The following UTY variants were observed in gnomAD, a reference collection of about 807,000 sequenced individuals.
UTY encodes the protein ubiquitously transcribed tetratricopeptide repeat containing, Y-linked, also known as histone demethylase UTY.
UTY carries 12 observed loss-of-function variants against 32.5 expected under a neutral mutation model. That is an observed-to-expected ratio of 0.37 (90% confidence interval 0.24 to 0.60). UTY has a LOEUF of 0.60. Among genes scored for constraint, UTY ranks in the 20% least tolerant of loss-of-function variants. The pLI is 0.69. For synonymous variants in UTY, 131 were observed against 103.4 expected, an observed-to-expected ratio of 1.27 and a Z score of -1.62; for missense variants, 303 against 299.2, an observed-to-expected ratio of 1.01 and a Z score of -0.09.
chrY:13,356,055 CT>C, intron 15 of UTY, 37 bp from the exon 16 acceptor site: 2 of 326,043 alleles, frequency 6.1e-6, no homozygotes, highest in East Asian at 2.1e-4. Flanking sequence ...AAAGTTTAAT[CT>C]AAAATTTAAG....
At chrY:13,442,177 C>G in intron 4 of UTY, among the ~76,000 whole-genome samples, 1 of 34,086 alleles carries the variant, frequency 2.9e-5, no homozygotes, top group Non-Finnish European at 7.3e-5. Flanking sequence ...ATTAGATTAT[C>G]TGCTGGATTC....
intron 3 of UTY, among the ~76,000 whole-genome samples, chrY:13,458,087 G>A (rs2076921985): frequency 3.0e-5 from 1 of 33,666 alleles, no homozygotes; most frequent in African/African-American, 1.2e-4. Flanking sequence ...AGAGGGAAAC[G>A]GAGTATACAT....
At position 13,358,623 on chromosome Y, in the gene UTY, A is replaced by G. The variant is rs1221252333; in HGVS notation, c.1321-4T>C. The G allele has an allele frequency of 2.7e-6, 1 of 366,948 alleles. No homozygotes were observed. 91.5% of individuals were successfully genotyped at this position (366,948 alleles called of 400,897 possible). A position where few individuals can be genotyped will look rare whatever the true frequency, so the allele number is the denominator to read the frequency against. The stretch of plus-strand genomic sequence containing the variant: ...TTGGATCATGAGCTCTATAAGCCTA[A>G]GGATCACAGAAGTAAGATAAAAATA... On this transcript the variant is annotated splice_polypyrimidine_tract_variant and splice_region_variant and intron_variant, in intron 13 of 29. Coordinates refer to ENST00000545955, the MANE Select transcript of UTY (RefSeq NM_001258249.2).
At chrY:13,268,850 C>T in intron 27 of UTY, among the ~76,000 whole-genome samples, 1 of 33,444 alleles carries the variant, frequency 3.0e-5, no homozygotes, top group African/African-American at 1.2e-4. Flanking sequence ...GTATCACCAG[C>T]GAAGGCTGCA....
At chrY:13,273,671 C>G (rs2056441775) in intron 27 of UTY, among the ~76,000 whole-genome samples, 1 of 31,576 alleles carries the variant, frequency 3.2e-5, no homozygotes, top group African/African-American at 1.2e-4. Context: ...AGATAAAGGG[C>G]AGGAACAAAT....
chrY:13,360,712 T>C, intron 10 of UTY, among the ~76,000 whole-genome samples, 184 bp from the exon 11 acceptor site: 1 of 33,618 alleles, frequency 3.0e-5, no homozygotes, highest in Non-Finnish European at 7.4e-5. Flanking sequence ...ATCTCTATTG[T>C]AACTTGCTGT....
chrY:13,380,222 G>A, intron 8 of UTY, among the ~76,000 whole-genome samples: 1 of 25,527 alleles, frequency 3.9e-5, no homozygotes, highest in South Asian at 9.0e-4. Context: ...CAGATGTTGC[G>A]AATATTAGAC....
At position 13,359,113 on chromosome Y, in the gene UTY, T is replaced by C; in HGVS notation, c.1295A>G (p.Gln432Arg). Reference sequence around the variant, plus strand: ...CTGCTGTGCTGTGTTCATGGCACCCTGCCTGGAGGTAAGCTCTGCGGGGAT... The same window carrying C: ...CTGCTGTGCTGTGTTCATGGCACCCCGCCTGGAGGTAAGCTCTGCGGGGAT... Reference protein sequence around the residue: ...LPIPAELTSRQGAMNTAQQAY... With the variant: ...LPIPAELTSRRGAMNTAQQAY... Residue 432 changes from glutamine (Q) to arginine (R), a missense_variant, in exon 13 of 30, where the codon CAG (glutamine) becomes CGG (arginine). Coordinates refer to ENST00000545955, the MANE Select transcript of UTY (RefSeq NM_001258249.2). The C allele has an allele frequency of 2.5e-6, 1 of 396,704 alleles. No homozygotes were observed. Among genetic ancestry groups the C allele is most frequent in the Non-Finnish European group, 3.5e-6 (1 of 282,572 alleles).
Position 13,396,936 on chromosome Y carries a change from T to C in UTY, c.592A>G (p.Thr198Ala). ...TACTTACTTTCAGCATTGGACAAAGTACATGGATTACAGTCAATCAAGGCT... is the reference window on the plus strand; with the variant it reads ...TACTTACTTTCAGCATTGGACAAAGCACATGGATTACAGTCAATCAAGGCT... ...QLALIDCNPC[T>A]LSNAEIQFHI... Residue 198 changes from threonine (T) to alanine (A), a missense_variant, in exon 7 of 30, where the codon ACT becomes GCT. By Grantham distance (58) the Thr-to-Ala change is moderately conservative. Transcript: ENST00000545955. 6 of 366,188 alleles carry C rather than the reference T, an allele frequency of 1.6e-5. No homozygotes were observed. Among genetic ancestry groups the C allele is most frequent in the Non-Finnish European group, 2.3e-5 (6 of 265,593 alleles). The allele number at this position is 366,188 out of a possible 400,897, so 91.3% of individuals were successfully genotyped here.
rs771531137 is a variant in UTY, at chrY:13,295,915, C to G, written c.4010+1792G>C. Among the ~76,000 whole-genome samples the G allele has an allele frequency of 9.7e-4, 33 of 34,145 alleles. No individual in the cohort carries two copies. In the East Asian group the frequency reaches 0.026, roughly 27 times the overall value. 91.6% of individuals were successfully genotyped at this position (34,145 alleles called of 37,273 possible). A position where few individuals can be genotyped will look rare whatever the true frequency, so the allele number is the denominator to read the frequency against. ...GCTGCGCACAGGCCATATGACTGCT[C>G]TCATGGGTTAAAGTTGAATTTCTGC... is the stretch of plus-strand genomic sequence containing the variant. On this transcript the variant is annotated intron_variant, in intron 27 of 29. Coordinates refer to ENST00000545955, the MANE Select transcript of UTY (RefSeq NM_001258249.2).
chrY:13,357,805 A>C, intron 15 of UTY, 72 bp downstream of exon 15: 1 of 247,801 alleles, frequency 4.0e-6, no homozygotes, highest in Non-Finnish European at 6.5e-6. Flanking sequence ...TCATTCAATT[A>C]ATACCTAAAA....
intron 17 of UTY, among the ~76,000 whole-genome samples, chrY:13,342,980 C>T: frequency 3.0e-5 from 1 of 33,532 alleles, no homozygotes; most frequent in Non-Finnish European, 7.4e-5. Flanking sequence ...ATGAGGCTAC[C>T]AAAGTGGCGG....
chrY:13,402,533 C>G (rs1008384670), intron 6 of UTY, among the ~76,000 whole-genome samples: 3 of 33,539 alleles, frequency 8.9e-5, no homozygotes, highest in African/African-American at 1.2e-4. Flanking sequence ...CTCATGAAGC[C>G]AAACTCCAGT....
chrY:13,338,193 C>CT (rs1294869004), intron 17 of UTY, among the ~76,000 whole-genome samples: 3 of 22,050 alleles, frequency 1.4e-4, no homozygotes, highest in Non-Finnish European at 2.1e-4. Flanking sequence ...TTATTTTCTT[C>CT]TTTTTTTTTT....
intron 8 of UTY, among the ~76,000 whole-genome samples, chrY:13,373,820 A>G (rs1018902687): frequency 3.0e-5 from 1 of 33,634 alleles, no homozygotes; most frequent in Non-Finnish European, 7.4e-5. Flanking sequence ...CCTGGCCTCA[A>G]GCAATCCTCT....
chrY:13,279,629 T>G (rs753416653), intron 27 of UTY, among the ~76,000 whole-genome samples: 47 of 32,975 alleles, frequency 1.4e-3, no homozygotes, highest in African/African-American at 5.2e-3. Flanking sequence ...GTAGAAGCAG[T>G]CCCAGACATG....
At chrY:13,240,529 C>T (rs775730014) in intron 28 of UTY, among the ~76,000 whole-genome samples, 1 of 33,473 alleles carries the variant, frequency 3.0e-5, no homozygotes, top group South Asian at 6.7e-4. Context: ...CTAAAAGTAC[C>T]TAACAGAAAC....
At chrY:13,427,286 C>CA (rs2073434950) in intron 4 of UTY, among the ~76,000 whole-genome samples, 1 of 33,770 alleles carries the variant, frequency 3.0e-5, no homozygotes, top group South Asian at 6.4e-4. Flanking sequence ...GAGAAAAACA[C>CA]AAACGATCTA....
intron 21 of UTY, among the ~76,000 whole-genome samples, chrY:13,316,733 A>C (rs2059505873): frequency 5.5e-4 from 18 of 32,842 alleles, no homozygotes; most frequent in African/African-American, 2.1e-3. Flanking sequence ...TCAAATCCAA[A>C]GGAAGTTCCA....
Sources: allele counts gnomAD v4.1 joint callset (sites outside exome capture counted in the v4.1 genomes callset), GRCh38; gene constraint gnomAD v4.1.1; transcripts MANE v1.5; gene names NCBI Gene and HGNC (gene_info 2026-07-23, HGNC 2026-07-21).